Variants in SATB2 observed in about 807,000 individuals in gnomAD.
The protein encoded by SATB2 is DNA-binding protein SATB2.
A neutral mutation model predicts 73.4 loss-of-function variants in SATB2; 1 was observed. The ratio of observed to expected loss-of-function variants is 0.01; its 90% CI spans 0.00 to 0.06. SATB2 has a LOEUF of 0.06. SATB2 is among the 10% of genes least tolerant of loss of function. The pLI is 1.00. For missense variants in SATB2, 459 were observed against 945.8 expected (o/e 0.49, Z 6.75); for synonymous variants, 397 against 367.0 (o/e 1.08, Z -0.93).
intron 7 of SATB2, among the ~76,000 whole-genome samples, chr2:199,344,808 AT>A (rs2105817408): frequency 6.6e-6 from 1 of 152,184 alleles, no homozygotes; most frequent in East Asian, 1.9e-4. Context: ...TCAACACCAA[AT>A]TTTGGAAAGT....
upstream of SATB2, among the ~76,000 whole-genome samples, chr2:199,468,720 C>T (rs986855935): frequency 4.6e-5 from 7 of 152,206 alleles, no homozygotes; most frequent in East Asian, 9.7e-4. Flanking sequence ...TGCTCTACCC[C>T]TCGCAGGCCC....
intron 10 of SATB2, among the ~76,000 whole-genome samples, chr2:199,281,259 T>C (rs1296303877): frequency 4.2e-5 from 1 of 23,596 alleles, no homozygotes; most frequent in Non-Finnish European, 4.5e-4. Flanking sequence ...TGTGTGTATG[T>C]ATGTATGTGT....
intron 10 of SATB2, among the ~76,000 whole-genome samples, chr2:199,275,578 T>C (rs553110723): frequency 7.2e-5 from 11 of 151,904 alleles, no homozygotes; most frequent in Admixed American, 2.0e-4. Flanking sequence ...ACATGGGGAG[T>C]TGTCAGTCTG....
chr2:199,441,522 C>A (rs1691815794), intron 2 of SATB2, among the ~76,000 whole-genome samples: 2 of 152,132 alleles, frequency 1.3e-5, no homozygotes, highest in South Asian at 4.1e-4. Flanking sequence ...CAAGAAATAG[C>A]TTATTCTCAG....
intron 5 of SATB2, among the ~76,000 whole-genome samples, chr2:199,369,733 A>C (rs576637922): frequency 6.6e-6 from 1 of 152,314 alleles, no homozygotes; most frequent in Non-Finnish European, 1.5e-5. Flanking sequence ...ATTTCTACAA[A>C]GTAATAGAGA....
chr2:199,416,855 T>G, intron 3 of SATB2, among the ~76,000 whole-genome samples: 1 of 151,988 alleles, frequency 6.6e-6, no homozygotes, highest in East Asian at 1.9e-4. Flanking sequence ...GCTAACATGG[T>G]GAAACCCTAT....
chr2:199,378,668 C>G (rs1350427129), intron 5 of SATB2, among the ~76,000 whole-genome samples: 1 of 152,126 alleles, frequency 6.6e-6, no homozygotes, highest in East Asian at 1.9e-4. Context: ...TCCAAAACAC[C>G]CTCAAAGGCA....
chr2:199,272,185 A>C lies in SATB2; in HGVS notation c.*26T>G, dbSNP rs1338706001. The C allele has an allele frequency of 6.3e-7, 1 of 1,597,636 alleles. No homozygotes were observed. Among genetic ancestry groups the C allele is most frequent in the Admixed American group, 1.7e-5 (1 of 60,008 alleles). ...AAGCAGAAAATCCTTGGACCGATGT[A>C]TTGCTTTGCCTAGTAGAAGTTCACA... is the stretch of plus-strand genomic sequence containing the variant. On this transcript the variant is annotated 3_prime_UTR_variant, in exon 11 of 11. Transcript: ENST00000417098. This position sits in a 1 kb window ranked among gnomAD's most constrained non-coding sequence, Gnocchi z 6.7.
In SATB2 at chr2:199,457,147, G is replaced by A. The variant is rs1424391568; in HGVS notation, c.-60+192C>T. 6.6e-6 allele frequency among the ~76,000 whole-genome samples: 1 copy of A among 152,226 alleles called. No homozygotes were observed. The highest frequency in any genetic ancestry group is 2.4e-5 in the African/African-American group (1 of 41,464). On this transcript the variant is annotated intron_variant, in intron 1 of 10. Transcript: ENST00000417098. The surrounding 1 kb of genome is among the most constrained non-coding windows in gnomAD (Gnocchi z 4.8). ...CCACGGGTCAAGGAGACAAGGTGGG[G>A]GTGGCAGGGGGAGGTGAAAGGAAGG... is the stretch of plus-strand genomic sequence containing the variant.
At chr2:199,392,587 T>G (rs1363208647) in intron 3 of SATB2, among the ~76,000 whole-genome samples, 2 of 152,136 alleles carry the variant, frequency 1.3e-5, no homozygotes, top group African/African-American at 4.8e-5. Context: ...TGTGTGTATG[T>G]CACATACCCA....
At chr2:199,301,742 A>G (rs1224444324) in intron 10 of SATB2, among the ~76,000 whole-genome samples, 1 of 152,140 alleles carries the variant, frequency 6.6e-6, no homozygotes, top group African/African-American at 2.4e-5. Flanking sequence ...GGTGTGGAGG[A>G]GGCAGAATTA....
intron 8 of SATB2, among the ~76,000 whole-genome samples, chr2:199,324,900 T>C (rs1041611247): frequency 6.6e-6 from 1 of 152,144 alleles, no homozygotes; most frequent in African/African-American, 2.4e-5. Context: ...CCTGGGTTTT[T>C]TCTCTTTGTC....
rs369524529 is a variant in SATB2 at position 199,435,634 on chromosome 2, G to A, written c.170-2120C>T. On this transcript the variant is annotated intron_variant, in intron 2 of 10. Transcript: ENST00000417098. ...GCTGGGATTACAGGCATGAGCCACCGTGCCTGGCCCCAAATTATCTTTGTA... is the reference window on the plus strand; with the variant it reads ...GCTGGGATTACAGGCATGAGCCACCATGCCTGGCCCCAAATTATCTTTGTA... 3.9e-5 allele frequency among the ~76,000 whole-genome samples: 6 copies of A among 152,244 alleles called. 1 individual carries two copies. In the South Asian group the frequency reaches 1.0e-3, roughly 26 times the overall value.
intron 3 of SATB2, among the ~76,000 whole-genome samples, chr2:199,417,948 G>A (rs1359094353): frequency 6.6e-6 from 1 of 152,118 alleles, no homozygotes; most frequent in African/African-American, 2.4e-5. Flanking sequence ...TTTAAGATTG[G>A]TACTTCACAT....
At chr2:199,278,670 T>C (rs1391005726) in intron 10 of SATB2, among the ~76,000 whole-genome samples, 1 of 152,236 alleles carries the variant, frequency 6.6e-6, no homozygotes, top group Non-Finnish European at 1.5e-5. Context: ...TGGGAAAATA[T>C]TTAAATAATT....
At chr2:199,326,329 C>A (rs554655786) in intron 8 of SATB2, among the ~76,000 whole-genome samples, 4 of 152,138 alleles carry the variant, frequency 2.6e-5, no homozygotes, top group Middle Eastern at 3.4e-3. Context: ...TATTTATTTT[C>A]AAAAATATCA....
chr2:199,408,386 A>G (rs1242541542), intron 3 of SATB2, among the ~76,000 whole-genome samples: 1 of 152,186 alleles, frequency 6.6e-6, no homozygotes. Context: ...AAAACAAGAC[A>G]AACTATTACA....
intron 3 of SATB2, among the ~76,000 whole-genome samples, chr2:199,408,867 T>C (rs886854188): frequency 4.6e-5 from 7 of 152,142 alleles, no homozygotes; most frequent in African/African-American, 1.7e-4. Context: ...TCTCTGGAAG[T>C]AGCTAAGTGA....
intron 5 of SATB2, among the ~76,000 whole-genome samples, chr2:199,373,596 G>A (rs1559011761): frequency 1.3e-5 from 2 of 152,152 alleles, no homozygotes; most frequent in Non-Finnish European, 2.9e-5. Context: ...TGTGATTGGG[G>A]ATATTGTCTC....
Sources: gnomAD v4.1 joint callset for allele counts (sites outside exome capture counted in the v4.1 genomes callset) on GRCh38, gnomAD v4.1.1 for gene constraint, Gnocchi (gnomAD v3.1) non-coding constraint, MANE v1.5 for transcripts, NCBI Gene and HGNC (gene_info 2026-07-23, HGNC 2026-07-21) for gene names.